Variants in LARP1 observed in about 807,000 individuals in gnomAD.
LARP1 encodes La ribonucleoprotein 1, translational regulator.
Under a neutral mutation model 122.7 loss-of-function variants are expected in LARP1, and 36 were observed. The observed-to-expected ratio is 0.29, with a 90% confidence interval of 0.22 to 0.39. The LOEUF (loss-of-function observed/expected upper bound fraction) is 0.39, where lower values mean the gene tolerates loss of function less well. Ranked by LOEUF, LARP1 falls within the 10% of genes least tolerant of loss-of-function variation. The probability of loss-of-function intolerance (pLI) is 1.00; values close to 1 mark genes in which losing one functional copy is unlikely to be tolerated. For synonymous variants in LARP1, 539 were observed against 528.7 expected (o/e 1.02, Z -0.27); for missense variants, 1,040 against 1,403.6 (o/e 0.74, Z 4.14).
chr5:154,755,972 A>G lies in LARP1; in HGVS notation c.215A>G (p.Glu72Gly), dbSNP rs994739790. ...CACAAGGAGGGCACCGGGCAGCAGG[A>G]GCGCGAGAGCCCGCGGCCGCTGCAG... The part of the protein sequence containing the change: ...KPHKEGTGQQ[E>G]RESPRPLQLP... The change falls in exon 1 of 19, where the codon GAG (glutamate) becomes GGG (glycine). Residue 72 changes from glutamate (E) to glycine (G), a missense_variant. This residue lies in a region of LARP1 where 257 missense variants were observed against 273.3 expected (regional missense o/e 0.94). Coordinates refer to ENST00000518297, the MANE Select transcript of LARP1 (RefSeq NM_033551.3). 1.0e-6 allele frequency: 1 copy of G among 1,003,206 alleles called. No individual in the cohort carries two copies. The highest frequency in any genetic ancestry group is 1.7e-5 in the African/African-American group (1 of 57,214). 62.1% of individuals were successfully genotyped at this position (1,003,206 alleles called of 1,614,324 possible). A position where few individuals can be genotyped will look rare whatever the true frequency, so the allele number is the denominator to read the frequency against.
At chr5:154,771,182 T>A (rs1343661738) in intron 1 of LARP1, among the ~76,000 whole-genome samples, 1 of 151,882 alleles carries the variant, frequency 6.6e-6, no homozygotes, top group Non-Finnish European at 1.5e-5. Flanking sequence ...AGTAATAGCC[T>A]TTATCATGTC....
At chr5:154,692,290 G>A (rs376796532) in intron 1 of LARP1, among the ~76,000 whole-genome samples, 14 of 152,324 alleles carry the variant, frequency 9.2e-5, no homozygotes, top group East Asian at 3.9e-4. Context: ...TCCTAGCTAT[G>A]TGACTTTAGG....
rs146941875 is a variant in LARP1, at chr5:154,812,836, C to T, written c.3082-1051C>T. Reference sequence around the variant, plus strand: ...CCGGCCCAAAAGCCCCTTATAAGACCGTCAGATCTTGTGAGAACTCACTCA... The same window carrying T: ...CCGGCCCAAAAGCCCCTTATAAGACTGTCAGATCTTGTGAGAACTCACTCA... On this transcript the variant is annotated intron_variant, in intron 18 of 18. Transcript: ENST00000518297. 2.5e-3 allele frequency among the ~76,000 whole-genome samples: 380 copies of T among 152,062 alleles called. 1 individual carries two copies. The highest frequency in any genetic ancestry group is 8.9e-3 in the African/African-American group (368 of 41,482).
At chr5:154,737,428 A>C (rs1340134241) in intron 1 of LARP1, among the ~76,000 whole-genome samples, 1 of 134,404 alleles carries the variant, frequency 7.4e-6, no homozygotes, top group African/African-American at 2.8e-5. Context: ...GAAGCATGGA[A>C]TTTTTCTCTT....
At chr5:154,751,403 G>A (rs944986817), upstream of LARP1, among the ~76,000 whole-genome samples, 2 of 152,144 alleles carry the variant, frequency 1.3e-5, no homozygotes, top group Non-Finnish European at 2.9e-5. Flanking sequence ...GACATTTAAG[G>A]AAATAATAAC....
intron 1 of LARP1, among the ~76,000 whole-genome samples, chr5:154,761,112 C>A (rs1754408197): frequency 6.6e-6 from 1 of 152,224 alleles, no homozygotes; most frequent in Admixed American, 6.5e-5. Flanking sequence ...ATCACTTTCT[C>A]TTCTTCTAAG....
intron 1 of LARP1, among the ~76,000 whole-genome samples, chr5:154,691,533 G>A (rs1439685779): frequency 6.6e-6 from 1 of 152,174 alleles, no homozygotes; most frequent in Non-Finnish European, 1.5e-5. Context: ...CTCTGCTCCT[G>A]CCCGACGCCC....
intron 1 of LARP1, among the ~76,000 whole-genome samples, chr5:154,734,127 A>G (rs922545651): frequency 4.0e-5 from 6 of 151,586 alleles, no homozygotes; most frequent in Admixed American, 1.3e-4. Context: ...AGATCACGCT[A>G]TTGTACTCCA....
intron 1 of LARP1, among the ~76,000 whole-genome samples, chr5:154,731,951 G>A (rs926541720): frequency 2.0e-5 from 3 of 151,708 alleles, no homozygotes; most frequent in Admixed American, 2.0e-4. Context: ...GAACCCAGCA[G>A]GCAGAGGTTG....
intron 14 of LARP1, 83 bp downstream of exon 14, chr5:154,804,390 T>C (rs911709868): frequency 1.9e-6 from 2 of 1,044,998 alleles, no homozygotes; most frequent in Non-Finnish European, 3.0e-6. Context: ...ACCAAGAAGA[T>C]TGGTCTGAAA....
rs901953482 is a variant in LARP1 at position 154,813,792 on chromosome 5, T to C, written c.3082-95T>C. The C allele has an allele frequency of 8.3e-6, 8 of 961,358 alleles. No homozygotes were observed. The African/African-American group carries it at 1.3e-4, about 16-fold the overall frequency. The allele number at this position is 961,358 out of a possible 1,614,324, so 59.6% of individuals were successfully genotyped here. ...GTTAAACCCATTCATTTTCTATATT[T>C]GGAGGTAGAAAGTAGGAAGTGTCTA... is the stretch of plus-strand genomic sequence containing the variant. On this transcript the variant is annotated intron_variant, in intron 18 of 18. Transcript: ENST00000518297.
In LARP1 at chr5:154,755,945, C is replaced by T. The variant is rs1753845323; in HGVS notation, c.188C>T (p.Pro63Leu). The change falls in exon 1 of 19, where the codon CCG becomes CTG. Residue 63 changes from proline to leucine, a missense_variant. Physicochemically the swap from Pro to Leu is moderately conservative, Grantham distance 98. Transcript: ENST00000518297. The part of the protein sequence containing the change: ...ARRPRPPCAK[P>L]HKEGTGQQER... ...AGACCCCGGCCGCCCTGCGCCAAGCCGCACAAGGAGGGCACCGGGCAGCAG... is the reference window on the plus strand; with the variant it reads ...AGACCCCGGCCGCCCTGCGCCAAGCTGCACAAGGAGGGCACCGGGCAGCAG... The T allele has an allele frequency of 1.0e-6, 1 of 1,001,656 alleles. No homozygotes were observed. Among genetic ancestry groups the T allele is most frequent in the Non-Finnish European group, 1.2e-6 (1 of 841,530 alleles). 62.0% of individuals were successfully genotyped at this position (1,001,656 alleles called of 1,614,324 possible). A position where few individuals can be genotyped will look rare whatever the true frequency, so the allele number is the denominator to read the frequency against.
chr5:154,692,988 A>T (rs71585933), intron 1 of LARP1, among the ~76,000 whole-genome samples: 18,673 of 141,958 alleles, frequency 0.13, 1,366 homozygotes, highest in East Asian at 0.34. Flanking sequence ...TTAATTTTTA[A>T]TTATTTTTTT....
At position 154,756,029 on chromosome 5, in the gene LARP1, A is replaced by T. The variant is rs887071754; in HGVS notation, c.272A>T (p.Asp91Val). 3.8e-6 allele frequency: 4 copies of T among 1,045,674 alleles called. No homozygotes were observed. The African/African-American group carries it at 7.0e-5, about 18-fold the overall frequency. 64.8% of individuals were successfully genotyped at this position (1,045,674 alleles called of 1,614,324 possible). The part of the protein sequence containing the change: ...LPGAEGPAIS[D>V]GEEGGGEPGA... ...GGCGCCGAAGGCCCGGCCATCAGCG[A>T]CGGGGAGGAGGGCGGCGGCGAGCCA... The change falls in exon 1 of 19, where the codon GAC becomes GTC. Residue 91 changes from aspartate (D) to valine (V), a missense_variant. By Grantham distance (152) the Asp-to-Val change is radical. Around this residue, in one of 8 missense-constraint regions of LARP1, gnomAD observed 257 missense variants for 273.3 expected, o/e 0.94. Coordinates refer to ENST00000518297, the MANE Select transcript of LARP1 (RefSeq NM_033551.3).
At chr5:154,792,550 C>A in intron 3 of LARP1, 72 bp from the exon 4 acceptor site, 2 of 1,389,064 alleles carry the variant, frequency 1.4e-6, no homozygotes, top group Non-Finnish European at 2.0e-6. Context: ...CTTCTAGTGA[C>A]AGGGAGTGCC....
In LARP1 at chr5:154,773,622, A is replaced by G. The variant is rs181333252; in HGVS notation, c.437-16703A>G. On this transcript the variant is annotated intron_variant, in intron 1 of 18. Transcript: ENST00000518297. ...GCAGGGATAGGATATTTAAAACACA[A>G]GCACCCTGAACTCCCAGTCCAGTGT... 1.4e-3 allele frequency among the ~76,000 whole-genome samples: 215 copies of G among 152,336 alleles called. 1 individual carries two copies. Among genetic ancestry groups the G allele is most frequent in the Non-Finnish European group, 1.8e-3 (123 of 68,022 alleles).
At chr5:154,698,262 T>C (rs530872713) in intron 1 of LARP1, among the ~76,000 whole-genome samples, 129 of 152,318 alleles carry the variant, frequency 8.5e-4, no homozygotes, top group Admixed American at 2.4e-3. Flanking sequence ...TTTCTTTGTG[T>C]TGGGACAGGG....
chr5:154,775,519 C>G (rs1008656622), intron 1 of LARP1, among the ~76,000 whole-genome samples: 1 of 151,628 alleles, frequency 6.6e-6, no homozygotes. Flanking sequence ...AGGCGACTCC[C>G]CTGCGGCTTT....
At chr5:154,805,742 G>A (rs1465003420) in intron 14 of LARP1, 139 bp from the exon 15 acceptor site, 1 of 821,206 alleles carries the variant, frequency 1.2e-6, no homozygotes, top group Non-Finnish European at 1.9e-6. Flanking sequence ...ATAAGTTAAA[G>A]GTCCGTAACT....
Sources: allele counts gnomAD v4.1 joint callset (sites outside exome capture counted in the v4.1 genomes callset), GRCh38; gene constraint gnomAD v4.1.1; regional missense constraint gnomAD v4.1.1; transcripts MANE v1.5; gene names NCBI Gene and HGNC (gene_info 2026-07-23, HGNC 2026-07-21).